The following TBC1D14 variants were observed in gnomAD, a reference collection of about 807,000 sequenced individuals.
The protein encoded by TBC1D14 is TBC1 domain family member 14, also known as TBC1 domain family, member 14.
TBC1D14 carries 26 observed loss-of-function variants against 79.0 expected under a neutral mutation model. That is an observed-to-expected ratio of 0.33 (90% CI 0.24 to 0.46). TBC1D14 has a LOEUF of 0.46. Among genes scored for constraint, TBC1D14 ranks in the 20% least tolerant of loss-of-function variants. The probability of loss-of-function intolerance (pLI) is 1.00; values close to 1 mark genes in which losing one functional copy is unlikely to be tolerated. For missense variants in TBC1D14, 769 were observed against 887.6 expected, an observed-to-expected ratio of 0.87 and a Z score of 1.70; for synonymous variants, 394 against 349.9, an observed-to-expected ratio of 1.13 and a Z score of -1.40.
intron 2 of TBC1D14, among the ~76,000 whole-genome samples, chr4:6,937,580 G>A (rs1369161126): frequency 2.6e-5 from 4 of 152,196 alleles, no homozygotes; most frequent in Non-Finnish European, 5.9e-5. Flanking sequence ...GAGAGGGAAG[G>A]AAGCGTTGCT....
At position 7,017,539 on chromosome 4, in the gene TBC1D14, G is replaced by A. The variant is rs79326990; in HGVS notation, c.1757+2982G>A. Among the ~76,000 whole-genome samples, 1,348 of 152,106 alleles carry A rather than the reference G, an allele frequency of 8.9e-3. 64 individuals are homozygous for A. Among genetic ancestry groups the A allele is most frequent in the Admixed American group, 0.074 (1,129 of 15,268 alleles). ...ATAGCATGTCGAGTGTAGAACCTGGGTTGGACTGTCAGTAATGAGCAGTGA... is the reference window on the plus strand; with the variant it reads ...ATAGCATGTCGAGTGTAGAACCTGGATTGGACTGTCAGTAATGAGCAGTGA... On this transcript the variant is annotated intron_variant, in intron 12 of 13. Coordinates refer to ENST00000409757, the MANE Select transcript of TBC1D14 (RefSeq NM_020773.3).
Position 7,033,043 on chromosome 4 carries a change from T to C in TBC1D14, c.*2651T>C, listed in dbSNP as rs1723203608. On this transcript the variant is annotated 3_prime_UTR_variant, in exon 14 of 14. Transcript: ENST00000409757. ...TAACCTTTAATTTTATTTAGTAAAG[T>C]GTATCAAAGTAGGACTTTTTTGAAT... 2 of 152,688 alleles carry C rather than the reference T, an allele frequency of 1.3e-5. No individual in the cohort carries two copies. Among genetic ancestry groups the C allele is most frequent in the Admixed American group, 6.5e-5 (1 of 15,290 alleles). 9.5% of individuals were successfully genotyped at this position (152,688 alleles called of 1,614,324 possible). A position where few individuals can be genotyped will look rare whatever the true frequency, so the allele number is the denominator to read the frequency against.
intron 3 of TBC1D14, among the ~76,000 whole-genome samples, chr4:6,991,328 T>C (rs1718463503): frequency 6.6e-6 from 1 of 152,242 alleles, no homozygotes; most frequent in Non-Finnish European, 1.5e-5. Context: ...GCATGAATTC[T>C]GTGATGAGGA....
chr4:6,962,513 A>G (rs1274979216), intron 2 of TBC1D14, among the ~76,000 whole-genome samples: 1 of 152,146 alleles, frequency 6.6e-6, no homozygotes, highest in Non-Finnish European at 1.5e-5. Flanking sequence ...TAATGCTGCT[A>G]GTAGAGTGAG....
intron 2 of TBC1D14, among the ~76,000 whole-genome samples, chr4:6,943,677 C>G (rs1370530097): frequency 6.6e-6 from 1 of 152,190 alleles, no homozygotes; most frequent in Non-Finnish European, 1.5e-5. Context: ...TAATGTGGAC[C>G]CCACAGTCCC....
Position 7,025,295 on chromosome 4 carries a change from G to A in TBC1D14, c.2016+33G>A. On this transcript the variant is annotated intron_variant, in intron 13 of 13. Transcript: ENST00000409757. Reference sequence around the variant, plus strand: ...GGCTTTGTGTTCTTGGCTTCCCACAGCGTAGCCGGCAAGTGGCGCGACTCA... The same window carrying A: ...GGCTTTGTGTTCTTGGCTTCCCACAACGTAGCCGGCAAGTGGCGCGACTCA... 2.5e-6 allele frequency: 4 copies of A among 1,612,094 alleles called. No homozygotes were observed. In the East Asian group the frequency reaches 8.9e-5, roughly 36 times the overall value.
chr4:6,937,269 G>T (rs1712429348), intron 2 of TBC1D14, among the ~76,000 whole-genome samples: 1 of 152,050 alleles, frequency 6.6e-6, no homozygotes, highest in Non-Finnish European at 1.5e-5. Flanking sequence ...GTAAACAACA[G>T]AAATTTGTTT....
At position 6,924,475 on chromosome 4, in the gene TBC1D14, C is replaced by T. The variant is rs563859396; in HGVS notation, c.722+364C>T. 1.1e-4 allele frequency among the ~76,000 whole-genome samples: 17 copies of T among 152,238 alleles called. No homozygotes were observed. In the South Asian group the frequency reaches 2.5e-3, roughly 22 times the overall value. ...AAGCAGAGGGCACTGGTGAGGGTGACGCCAGTGAGTAACTCTCATTTCTAC... is the reference window on the plus strand; with the variant it reads ...AAGCAGAGGGCACTGGTGAGGGTGATGCCAGTGAGTAACTCTCATTTCTAC... On this transcript the variant is annotated intron_variant, in intron 2 of 13. Transcript: ENST00000409757.
chr4:6,958,376 T>TACACACACACACACACACAC lies in TBC1D14; in HGVS notation c.723-8920_723-8901dup, dbSNP rs60999179. Among the ~76,000 whole-genome samples the TACACACACACACACACACAC allele has an allele frequency of 4.9e-3, 726 of 149,206 alleles. 12 individuals are homozygous for TACACACACACACACACACAC. The highest frequency in any genetic ancestry group is 0.017 in the African/African-American group (667 of 40,078). Reference sequence around the variant, plus strand: ...GGGTGATACACGTGATCCCCACATATACACACACACACACACACACACACA... The same window carrying TACACACACACACACACACAC: ...GGGTGATACACGTGATCCCCACATATACACACACACACACACACACACACACACACACACACACACACACA... On this transcript the variant is annotated intron_variant, in intron 2 of 13. Coordinates refer to ENST00000409757, the MANE Select transcript of TBC1D14 (RefSeq NM_020773.3).
intron 1 of TBC1D14, among the ~76,000 whole-genome samples, chr4:6,916,129 G>GAAAAA (rs5855936): frequency 7.2e-6 from 1 of 139,580 alleles, no homozygotes; most frequent in Non-Finnish European, 1.5e-5. Context: ...TCCATCTCAG[G>GAAAAA]AAAAAAAAAA....
intron 3 of TBC1D14, among the ~76,000 whole-genome samples, chr4:6,970,667 C>T (rs1716142537): frequency 1.3e-5 from 2 of 151,990 alleles, no homozygotes; most frequent in Admixed American, 6.6e-5. Context: ...GAGCTGGGGT[C>T]AGGTGTTCAC....
intron 2 of TBC1D14, among the ~76,000 whole-genome samples, chr4:6,956,544 C>T (rs1054295016): frequency 2.0e-5 from 3 of 152,226 alleles, no homozygotes; most frequent in South Asian, 2.1e-4. Context: ...CTGACACGCC[C>T]GGTCCCCCTT....
intron 1 of TBC1D14, among the ~76,000 whole-genome samples, chr4:6,911,263 G>T (rs1722965387): frequency 6.6e-6 from 1 of 152,164 alleles, no homozygotes; most frequent in Non-Finnish European, 1.5e-5. Flanking sequence ...TGAGAGCCTG[G>T]CATGAACTTG....
At chr4:6,979,684 T>C (rs1480013252) in intron 3 of TBC1D14, among the ~76,000 whole-genome samples, 1 of 151,972 alleles carries the variant, frequency 6.6e-6, no homozygotes, top group East Asian at 1.9e-4. Context: ...ACTTCAAATA[T>C]AGAATATGTA....
intron 6 of TBC1D14, among the ~76,000 whole-genome samples, chr4:6,999,976 C>T (rs1719493375): frequency 6.6e-6 from 1 of 152,188 alleles, no homozygotes; most frequent in Non-Finnish European, 1.5e-5. Flanking sequence ...CAAGGCTGCG[C>T]ACAGAGGCAT....
At chr4:7,023,618 T>C (rs1002176914) in intron 12 of TBC1D14, among the ~76,000 whole-genome samples, 2 of 152,258 alleles carry the variant, frequency 1.3e-5, no homozygotes, top group Non-Finnish European at 2.9e-5. Context: ...GCGACGGTGC[T>C]GCTGCCTCAT....
At chr4:6,954,813 C>A (rs1279033700) in intron 2 of TBC1D14, among the ~76,000 whole-genome samples, 2 of 152,222 alleles carry the variant, frequency 1.3e-5, no homozygotes, top group Non-Finnish European at 2.9e-5. Context: ...CCATGTTGGC[C>A]AGGTTGGTCT....
At chr4:6,927,371 A>G (rs1042688094) in intron 2 of TBC1D14, among the ~76,000 whole-genome samples, 9 of 152,012 alleles carry the variant, frequency 5.9e-5, no homozygotes, top group African/African-American at 1.9e-4. Context: ...GAGTCCTCCT[A>G]TTTAATCGCT....
At chr4:7,009,833 C>T in intron 9 of TBC1D14, 44 bp from the exon 10 acceptor site, 1 of 1,568,678 alleles carries the variant, frequency 6.4e-7, no homozygotes, top group Non-Finnish European at 8.8e-7. Flanking sequence ...TGAGCACTAA[C>T]AGTACTCATG....
Sources: allele counts gnomAD v4.1 joint callset (sites outside exome capture counted in the v4.1 genomes callset), GRCh38; gene constraint gnomAD v4.1.1; transcripts MANE v1.5; gene names NCBI Gene and HGNC (gene_info 2026-07-23, HGNC 2026-07-21).